The following USH2A variants were observed in gnomAD, a reference collection of about 807,000 sequenced individuals.
USH2A encodes Usher syndrome 2A (autosomal recessive, mild).
Under a neutral mutation model 538.9 loss-of-function variants are expected in USH2A, and 443 were observed. The ratio of observed to expected loss-of-function variants is 0.82; its 90% CI spans 0.76 to 0.89. The LOEUF (loss-of-function observed/expected upper bound fraction) is 0.89. USH2A is among the 40% of genes least tolerant of loss of function. USH2A has a pLI of 0.00. For missense variants in USH2A, 6,633 were observed against 6,324.8 expected (o/e 1.05, Z -1.65); for synonymous variants, 2,413 against 2,273.5 (o/e 1.06, Z -1.75).
intron 49 of USH2A, among the ~76,000 whole-genome samples, chr1:215,809,838 C>G (rs1341885266): frequency 6.6e-6 from 1 of 152,096 alleles, no homozygotes; most frequent in Non-Finnish European, 1.5e-5. Context: ...ATCAAAATGC[C>G]TATACCCATC....
At chr1:215,676,483 T>C (rs1424828829) in intron 62 of USH2A, among the ~76,000 whole-genome samples, 1 of 152,150 alleles carries the variant, frequency 6.6e-6, no homozygotes, top group African/African-American at 2.4e-5. Flanking sequence ...CTCCCTATCA[T>C]GGTGACTCTC....
intron 66 of USH2A, among the ~76,000 whole-genome samples, chr1:215,648,228 A>T (rs1656923636): frequency 6.6e-6 from 1 of 152,258 alleles, no homozygotes; most frequent in Non-Finnish European, 1.5e-5. Flanking sequence ...GATAACCATT[A>T]GGAAGAGCAT....
intron 3 of USH2A, among the ~76,000 whole-genome samples, chr1:216,372,089 T>C (rs773115569): frequency 1.3e-5 from 2 of 152,198 alleles, no homozygotes; most frequent in African/African-American, 2.4e-5. Flanking sequence ...CCACAAATAT[T>C]TGTAATGTTT....
At chr1:216,250,794 C>G in intron 12 of USH2A, 109 bp downstream of exon 12, 5 of 1,189,638 alleles carry the variant, frequency 4.2e-6, no homozygotes, top group Non-Finnish European at 6.1e-6. Context: ...TTTTTCCAGC[C>G]TGTCTTGAGC....
intron 47 of USH2A, among the ~76,000 whole-genome samples, chr1:215,818,345 T>C (rs1389941579): frequency 6.6e-6 from 1 of 151,878 alleles, no homozygotes; most frequent in Non-Finnish European, 1.5e-5. Flanking sequence ...AGAAATTTTA[T>C]AGTCACTAAC....
chr1:216,086,647 A>T, intron 24 of USH2A, 72 bp downstream of exon 24: 1 of 1,220,546 alleles, frequency 8.2e-7, no homozygotes, highest in Non-Finnish European at 1.2e-6. Flanking sequence ...ACTTATTCTT[A>T]CTTTAAAATA....
chr1:215,781,700 C>A (rs1014060488), intron 54 of USH2A, among the ~76,000 whole-genome samples: 6 of 152,050 alleles, frequency 3.9e-5, no homozygotes, highest in African/African-American at 1.4e-4. Context: ...TAAATAGAAA[C>A]TTTCTTTAAC....
chr1:216,154,919 G>A lies in USH2A; in HGVS notation c.4627+20333C>T, dbSNP rs979223688. Among the ~76,000 whole-genome samples, 4 of 97,628 alleles carry A rather than the reference G, an allele frequency of 4.1e-5. No individual in the cohort carries two copies. In the Admixed American group the frequency reaches 4.3e-4, roughly 11 times the overall value. 64.0% of individuals were successfully genotyped at this position (97,628 alleles called of 152,430 possible). A position where few individuals can be genotyped will look rare whatever the true frequency, so the allele number is the denominator to read the frequency against. On this transcript the variant is annotated intron_variant, in intron 21 of 71. Transcript: ENST00000307340. The stretch of plus-strand genomic sequence containing the variant: ...TGCCAGCCTTTTGTATGTACAAATT[G>A]TTTCATTTCCCTTAGACAAATAGCT...
At chr1:216,293,320 G>T (rs1407479492) in intron 9 of USH2A, among the ~76,000 whole-genome samples, 4 of 152,080 alleles carry the variant, frequency 2.6e-5, no homozygotes, top group Non-Finnish European at 5.9e-5. Flanking sequence ...CACCGCACCC[G>T]GCCACTTCTT....
Position 215,705,138 on chromosome 1 carries a change from T to G in USH2A, c.12066+22892A>C, listed in dbSNP as rs111462338. On this transcript the variant is annotated intron_variant, in intron 61 of 71. Transcript: ENST00000307340. Reference sequence around the variant, plus strand: ...AACACACTGTTATTTTTTTAAAAACTATTTTATGTATCCCTAAGAAAGAGA... The same window carrying G: ...AACACACTGTTATTTTTTTAAAAACGATTTTATGTATCCCTAAGAAAGAGA... 2.7e-3 allele frequency among the ~76,000 whole-genome samples: 410 copies of G among 152,370 alleles called. 6 individuals are homozygous for G. The highest frequency in any genetic ancestry group is 9.6e-3 in the African/African-American group (399 of 41,590).
Position 215,796,875 on chromosome 1 carries a change from TCAACAGACC to T in USH2A, c.9958+2023_9958+2031del, listed in dbSNP as rs1459006822. Among the ~76,000 whole-genome samples the T allele has an allele frequency of 6.5e-4, 18 of 27,836 alleles. No homozygotes were observed. In the South Asian group the frequency reaches 8.9e-3, roughly 14 times the overall value. The allele number at this position is 27,836 out of a possible 152,430, so 18.3% of individuals were successfully genotyped here. ...AAATGCTCCTCTTCCTCCCACACCT[TCAACAGACC>T]TTCTTCTCTTTTCTGTACCATTCCT... On this transcript the variant is annotated intron_variant, in intron 50 of 71. Transcript: ENST00000307340.
chr1:216,144,027 A>G (rs966781340), intron 21 of USH2A, among the ~76,000 whole-genome samples: 3 of 152,210 alleles, frequency 2.0e-5, no homozygotes, highest in Non-Finnish European at 4.4e-5. Flanking sequence ...CCAAAAATGT[A>G]ATCTCATACA....
At chr1:216,354,230 T>C (rs1571732804) in intron 4 of USH2A, among the ~76,000 whole-genome samples, 1 of 152,170 alleles carries the variant, frequency 6.6e-6, no homozygotes, top group East Asian at 1.9e-4. Context: ...AAAGGTCTCA[T>C]AGAACCAGCA....
At chr1:215,845,115 T>C (rs1663803563) in intron 45 of USH2A, among the ~76,000 whole-genome samples, 1 of 152,170 alleles carries the variant, frequency 6.6e-6, no homozygotes, top group African/African-American at 2.4e-5. Flanking sequence ...AGACCTATTT[T>C]TATCATAAGA....
chr1:216,294,871 ATTT>A (rs1490459597), intron 9 of USH2A, among the ~76,000 whole-genome samples: 70 of 151,562 alleles, frequency 4.6e-4, no homozygotes, highest in Admixed American at 7.9e-4. Flanking sequence ...AAAATTATTC[ATTT>A]TTCTTTAGTA....
intron 32 of USH2A, among the ~76,000 whole-genome samples, chr1:216,015,009 T>A (rs1668671890): frequency 6.6e-6 from 1 of 152,176 alleles, no homozygotes; most frequent in Non-Finnish European, 1.5e-5. Flanking sequence ...TTCTTTATGA[T>A]CTAATACATA....
At chr1:215,771,133 A>G (rs1661272174) in intron 55 of USH2A, among the ~76,000 whole-genome samples, 1 of 151,108 alleles carries the variant, frequency 6.6e-6, no homozygotes, top group East Asian at 2.0e-4. Flanking sequence ...GCCTAAAAAA[A>G]AAAAGAAAGA....
At chr1:216,003,863 G>A (rs1053700163) in intron 32 of USH2A, among the ~76,000 whole-genome samples, 9 of 152,176 alleles carry the variant, frequency 5.9e-5, no homozygotes, top group African/African-American at 2.2e-4. Context: ...ATGGTAGTGA[G>A]CAAGAGCATA....
At chr1:216,346,825 G>A (rs561043597) in intron 4 of USH2A, among the ~76,000 whole-genome samples, 95 of 151,820 alleles carry the variant, frequency 6.3e-4, no homozygotes, top group Middle Eastern at 3.4e-3. Context: ...TTAAGAAACC[G>A]AAAAATGAAA....
Sources: gnomAD v4.1 joint callset for allele counts (sites outside exome capture counted in the v4.1 genomes callset) on GRCh38, gnomAD v4.1.1 for gene constraint, MANE v1.5 for transcripts, NCBI Gene and HGNC (gene_info 2026-07-23, HGNC 2026-07-21) for gene names.